The following SNX29 variants were observed in gnomAD, a reference collection of about 807,000 sequenced individuals.
SNX29 encodes sorting nexin 29.
In SNX29, 78 loss-of-function variants were observed where a neutral mutation model predicts 102.1. That is an observed-to-expected ratio of 0.76 (90% CI 0.64 to 0.92). The LOEUF is 0.92. Among genes scored for constraint, SNX29 ranks in the 40% least tolerant of loss-of-function variants. The probability of loss-of-function intolerance (pLI) is 0.00; values close to 1 mark genes in which losing one functional copy is unlikely to be tolerated. For synonymous variants in SNX29, 580 were observed against 414.5 expected (o/e 1.40, Z -4.85); for missense variants, 1,280 against 1,061.7 (o/e 1.21, Z -2.86).
At chr16:12,184,545 A>G (rs73521818) in intron 13 of SNX29, among the ~76,000 whole-genome samples, 1,660 of 152,340 alleles carry the variant, frequency 0.011, 23 homozygotes, top group African/African-American at 0.038. Context: ...AATGGCATCC[A>G]GTTCCCTCAT....
intron 15 of SNX29, among the ~76,000 whole-genome samples, chr16:12,334,765 G>A (rs1366166467): frequency 6.6e-6 from 1 of 152,128 alleles, no homozygotes; most frequent in East Asian, 1.9e-4. Flanking sequence ...AGTAGTGGTG[G>A]CCCTGTTTTC....
At chr16:12,517,434 C>G (rs1329066526) in intron 19 of SNX29, among the ~76,000 whole-genome samples, 1 of 152,222 alleles carries the variant, frequency 6.6e-6, no homozygotes, top group Non-Finnish European at 1.5e-5. Context: ...GTGTTCGGCT[C>G]TCTTTGGAAT....
At chr16:12,011,310 CTG>C (rs1389182797) in intron 3 of SNX29, among the ~76,000 whole-genome samples, 1 of 149,696 alleles carries the variant, frequency 6.7e-6, no homozygotes, top group African/African-American at 2.5e-5. Flanking sequence ...GGATCGCACT[CTG>C]TCGCCCAGGC....
chr16:12,348,024 G>A (rs1384011452), intron 15 of SNX29, among the ~76,000 whole-genome samples: 5 of 152,046 alleles, frequency 3.3e-5, no homozygotes, highest in Non-Finnish European at 7.4e-5. Flanking sequence ...GGCTGCATGA[G>A]CTGTGATTGC....
chr16:12,426,316 G>C (rs2085077646), intron 18 of SNX29, among the ~76,000 whole-genome samples: 1 of 152,132 alleles, frequency 6.6e-6, no homozygotes, highest in Non-Finnish European at 1.5e-5. Flanking sequence ...CCTTTAGCCG[G>C]GGCTTGCAGC....
At chr16:12,109,548 T>A (rs1212460632) in intron 11 of SNX29, among the ~76,000 whole-genome samples, 1 of 152,132 alleles carries the variant, frequency 6.6e-6, no homozygotes, top group Non-Finnish European at 1.5e-5. Flanking sequence ...AGCAGCCCCC[T>A]GTCAGTGGCC....
At chr16:12,328,318 T>G (rs2081185701) in intron 15 of SNX29, among the ~76,000 whole-genome samples, 1 of 152,256 alleles carries the variant, frequency 6.6e-6, no homozygotes, top group African/African-American at 2.4e-5. Context: ...AGATTATTTA[T>G]TGTAGCAACT....
At chr16:12,431,644 A>G (rs1247381910) in intron 18 of SNX29, among the ~76,000 whole-genome samples, 1 of 152,104 alleles carries the variant, frequency 6.6e-6, no homozygotes, top group African/African-American at 2.4e-5. Flanking sequence ...GTGTTACGTA[A>G]AGTGTGAGTT....
intron 20 of SNX29, among the ~76,000 whole-genome samples, chr16:12,567,401 A>G (rs753304324): frequency 6.6e-6 from 1 of 152,214 alleles, no homozygotes; most frequent in Non-Finnish European, 1.5e-5. Flanking sequence ...TTTACTTCCT[A>G]TTCAAATAGC....
chr16:12,134,708 G>C (rs975594588), intron 13 of SNX29, among the ~76,000 whole-genome samples: 5 of 152,222 alleles, frequency 3.3e-5, no homozygotes, highest in Admixed American at 1.3e-4. Context: ...GAAACACACA[G>C]TGGTGTGACT....
intron 14 of SNX29, among the ~76,000 whole-genome samples, chr16:12,210,979 A>G (rs961324651): frequency 6.6e-6 from 1 of 152,086 alleles, no homozygotes; most frequent in Non-Finnish European, 1.5e-5. Flanking sequence ...AGTAATTGAG[A>G]GAATTAGATG....
At chr16:12,023,116 C>G (rs1434370280) in intron 3 of SNX29, among the ~76,000 whole-genome samples, 1 of 151,812 alleles carries the variant, frequency 6.6e-6, no homozygotes, top group Non-Finnish European at 1.5e-5. Flanking sequence ...AGGCTGGTCT[C>G]GAACTCCTGA....
intron 3 of SNX29, among the ~76,000 whole-genome samples, chr16:12,004,340 CAA>C (rs759151874): frequency 5.0e-5 from 6 of 119,282 alleles, no homozygotes; most frequent in Admixed American, 8.8e-5. Context: ...GATTCCATCT[CAA>C]AAAAAAAAAA....
intron 14 of SNX29, among the ~76,000 whole-genome samples, chr16:12,249,263 G>T (rs535157027): frequency 1.7e-4 from 26 of 152,316 alleles, no homozygotes; most frequent in Admixed American, 1.3e-3. Flanking sequence ...TGGGTCCTTG[G>T]CTCTGGCTGC....
At chr16:12,004,773 C>T (rs1262492722) in intron 3 of SNX29, among the ~76,000 whole-genome samples, 1 of 152,216 alleles carries the variant, frequency 6.6e-6, no homozygotes, top group African/African-American at 2.4e-5. Flanking sequence ...TGATTTGAAA[C>T]TGGCACAGAT....
intron 13 of SNX29, among the ~76,000 whole-genome samples, chr16:12,142,972 TGAAGG>T (rs908333184): frequency 1.3e-5 from 2 of 151,620 alleles, no homozygotes. Flanking sequence ...TGCTAGAAAT[TGAAGG>T]GAAGGATATG....
Position 12,569,575 on chromosome 16 carries a change from A to C in SNX29, c.*946A>C, listed in dbSNP as rs2141578143. 1 of 230,618 alleles carries C rather than the reference A, an allele frequency of 4.3e-6. No individual in the cohort carries two copies. Among genetic ancestry groups the C allele is most frequent in the East Asian group, 6.2e-5 (1 of 16,216 alleles). 14.3% of individuals were successfully genotyped at this position (230,618 alleles called of 1,614,324 possible). Reference sequence around the variant, plus strand: ...ACAGATCATGTGTCTCTCCACTAAAAACATTTTCCATCCCGTCTGCCCCCG... The same window carrying C: ...ACAGATCATGTGTCTCTCCACTAAACACATTTTCCATCCCGTCTGCCCCCG... On this transcript the variant is annotated 3_prime_UTR_variant, in exon 21 of 21. Transcript: ENST00000566228.
At chr16:12,266,921 G>A (rs1446537578) in intron 14 of SNX29, among the ~76,000 whole-genome samples, 2 of 151,980 alleles carry the variant, frequency 1.3e-5, no homozygotes, top group South Asian at 2.1e-4. Flanking sequence ...CCGCCACCAC[G>A]CCTGGCTAAT....
At chr16:12,286,304 C>T (rs1279366917) in intron 15 of SNX29, among the ~76,000 whole-genome samples, 1 of 151,886 alleles carries the variant, frequency 6.6e-6, no homozygotes, top group Non-Finnish European at 1.5e-5. Context: ...GTGTAATTCC[C>T]ACTGAAGTGT....
Sources: gnomAD v4.1 joint callset for allele counts (sites outside exome capture counted in the v4.1 genomes callset) on GRCh38, gnomAD v4.1.1 for gene constraint, MANE v1.5 for transcripts, NCBI Gene and HGNC (gene_info 2026-07-23, HGNC 2026-07-21) for gene names.